The following ULK4 variants were observed in gnomAD, a reference collection of about 807,000 sequenced individuals.
The protein encoded by ULK4 is unc-51 like kinase 4.
In ULK4, 133 loss-of-function variants were observed where a neutral mutation model predicts 160.6. The ratio of observed to expected loss-of-function variants is 0.83; its 90% CI spans 0.72 to 0.96. The LOEUF is 0.96. ULK4 is among the 40% of genes least tolerant of loss of function. The probability of loss-of-function intolerance (pLI) is 0.00; values close to 1 mark genes in which losing one functional copy is unlikely to be tolerated. For synonymous variants in ULK4, 534 were observed against 539.8 expected (o/e 0.99, Z 0.15); for missense variants, 1,580 against 1,499.5 (o/e 1.05, Z -0.89).
At chr3:41,476,046 A>AAAGG (rs1291006989) in intron 32 of ULK4, among the ~76,000 whole-genome samples, 3 of 133,258 alleles carry the variant, frequency 2.3e-5, no homozygotes, top group African/African-American at 8.7e-5. Context: ...GAGGAGGGAA[A>AAAGG]AAGGAAGGAA....
intron 31 of ULK4, among the ~76,000 whole-genome samples, chr3:41,585,377 G>A (rs903803487): frequency 1.3e-5 from 2 of 152,056 alleles, no homozygotes; most frequent in African/African-American, 4.8e-5. Context: ...CGCATATATG[G>A]CCAATCTTTG....
At chr3:41,514,965 G>T (rs1038975839) in intron 32 of ULK4, among the ~76,000 whole-genome samples, 4 of 152,094 alleles carry the variant, frequency 2.6e-5, no homozygotes, top group African/African-American at 4.8e-5. Flanking sequence ...CTAAAGAACA[G>T]ATATGCTGGC....
In ULK4 at chr3:41,835,258, C is replaced by T. The variant is rs192248214; in HGVS notation, c.1764+606G>A. On this transcript the variant is annotated intron_variant, in intron 18 of 36. Coordinates refer to ENST00000301831, the MANE Select transcript of ULK4 (RefSeq NM_017886.4). ...ACATAACCTCCTTAATTACTTATAACTTACCAGTATTTATTTAGAACTCTC... is the reference window on the plus strand; with the variant it reads ...ACATAACCTCCTTAATTACTTATAATTTACCAGTATTTATTTAGAACTCTC... Among the ~76,000 whole-genome samples, 340 of 152,250 alleles carry T rather than the reference C, an allele frequency of 2.2e-3. 2 individuals carry two copies. The highest frequency in any genetic ancestry group is 4.1e-3 in the Non-Finnish European group (276 of 68,012).
chr3:41,405,474 T>A (rs922508228), intron 34 of ULK4, among the ~76,000 whole-genome samples: 1 of 152,208 alleles, frequency 6.6e-6, no homozygotes, highest in Non-Finnish European at 1.5e-5. Flanking sequence ...ACAATTTGTT[T>A]TCTCTTGGAT....
At chr3:41,895,438 T>G in intron 16 of ULK4, 80 bp downstream of exon 16, 1 of 805,220 alleles carries the variant, frequency 1.2e-6, no homozygotes, top group Non-Finnish European at 1.8e-6. Flanking sequence ...TATTTAGGAC[T>G]CTGCTTTTGA....
At chr3:41,446,101 G>T (rs1468172738) in intron 34 of ULK4, among the ~76,000 whole-genome samples, 5 of 152,208 alleles carry the variant, frequency 3.3e-5, no homozygotes, top group African/African-American at 1.2e-4. Flanking sequence ...AGACATTTAT[G>T]CAGCCAAAAC....
chr3:41,316,220 C>T (rs1056311882), intron 35 of ULK4, among the ~76,000 whole-genome samples: 7 of 152,030 alleles, frequency 4.6e-5, no homozygotes, highest in South Asian at 2.1e-4. Context: ...AAAGAGGCAC[C>T]GACGCATGCT....
rs547643351 is a variant in ULK4, at chr3:41,892,601, T to G, written c.1577+2917A>C. On this transcript the variant is annotated intron_variant, in intron 16 of 36. Transcript: ENST00000301831. The stretch of plus-strand genomic sequence containing the variant: ...CAGCCCAATTGTCCTATAGAACTGA[T>G]GTTTACAGTCTTTTAAAATAAACGT... Among the ~76,000 whole-genome samples the G allele has an allele frequency of 2.6e-5, 4 of 152,362 alleles. No individual in the cohort carries two copies. The East Asian group carries it at 7.7e-4, about 29-fold the overall frequency.
At chr3:41,607,983 G>T (rs1291849080) in intron 31 of ULK4, among the ~76,000 whole-genome samples, 1 of 152,162 alleles carries the variant, frequency 6.6e-6, no homozygotes, top group African/African-American at 2.4e-5. Flanking sequence ...AATTATGAGA[G>T]ACCACCACAT....
At chr3:41,949,771 C>G (rs1700228431) in intron 2 of ULK4, among the ~76,000 whole-genome samples, 1 of 148,382 alleles carries the variant, frequency 6.7e-6, no homozygotes, top group Non-Finnish European at 1.5e-5. Flanking sequence ...GACAGTGTCT[C>G]TGTCGCCCAG....
intron 35 of ULK4, among the ~76,000 whole-genome samples, chr3:41,376,933 A>G (rs1231714268): frequency 6.7e-6 from 1 of 150,284 alleles, no homozygotes; most frequent in Non-Finnish European, 1.5e-5. Flanking sequence ...CCTAAGCCAA[A>G]AGAACAAAGC....
intron 35 of ULK4, among the ~76,000 whole-genome samples, chr3:41,391,267 T>C (rs1353451598): frequency 6.6e-6 from 1 of 152,076 alleles, no homozygotes; most frequent in Admixed American, 6.6e-5. Context: ...TCAGAAACGC[T>C]TAAGAGCATC....
chr3:41,568,774 C>A lies in ULK4; in HGVS notation c.3121-2644G>T, dbSNP rs149965151. Among the ~76,000 whole-genome samples, 215 of 152,278 alleles carry A rather than the reference C, an allele frequency of 1.4e-3. 1 individual carries two copies. Among genetic ancestry groups the A allele is most frequent in the African/African-American group, 4.9e-3 (204 of 41,560 alleles). ...GATTCTGCAGCTGACACAAGCTGAG[C>A]GTTCTCTACTTCAACTCCACAAAAT... On this transcript the variant is annotated intron_variant, in intron 31 of 36. Coordinates refer to ENST00000301831, the MANE Select transcript of ULK4 (RefSeq NM_017886.4).
At chr3:41,895,050 C>T (rs1021621275) in intron 16 of ULK4, among the ~76,000 whole-genome samples, 3 of 152,078 alleles carry the variant, frequency 2.0e-5, no homozygotes, top group African/African-American at 4.8e-5. Flanking sequence ...AGGGAAACTT[C>T]GAGGAAGTAT....
At chr3:41,481,826 C>CAAAAAAAAAAA (rs71616009) in intron 32 of ULK4, among the ~76,000 whole-genome samples, 2 of 66,866 alleles carry the variant, frequency 3.0e-5, no homozygotes, top group African/African-American at 9.2e-5. Context: ...GACTCCGTCT[C>CAAAAAAAAAAA]AAAAAAAAAA....
chr3:41,814,663 A>C (rs1359916432), intron 19 of ULK4, among the ~76,000 whole-genome samples: 2 of 152,100 alleles, frequency 1.3e-5, no homozygotes, highest in Non-Finnish European at 2.9e-5. Flanking sequence ...GCTAGTTATT[A>C]GATACATTAA....
intron 19 of ULK4, among the ~76,000 whole-genome samples, chr3:41,818,058 G>A (rs1039244222): frequency 6.7e-6 from 1 of 149,934 alleles, no homozygotes; most frequent in South Asian, 2.1e-4. Context: ...CTTCCATACC[G>A]TTGGTGGGAA....
intron 30 of ULK4, among the ~76,000 whole-genome samples, chr3:41,628,530 C>T (rs1165678007): frequency 2.0e-5 from 3 of 152,078 alleles, no homozygotes; most frequent in Non-Finnish European, 2.9e-5. Context: ...AATGGAGGAG[C>T]ATCTTACAAA....
chr3:41,335,930 C>T (rs953577359), intron 35 of ULK4, among the ~76,000 whole-genome samples: 1 of 152,186 alleles, frequency 6.6e-6, no homozygotes, highest in East Asian at 1.9e-4. Flanking sequence ...CTGTGAAAAA[C>T]AGGTTAAACA....
Sources: allele counts gnomAD v4.1 joint callset (sites outside exome capture counted in the v4.1 genomes callset), GRCh38; gene constraint gnomAD v4.1.1; transcripts MANE v1.5; gene names NCBI Gene and HGNC (gene_info 2026-07-23, HGNC 2026-07-21).